Variants in PCDH15 observed in about 807,000 individuals in gnomAD.
PCDH15 encodes protocadherin related 15, also known as protocadherin-15.
PCDH15 carries 129 observed loss-of-function variants against 178.5 expected under a neutral mutation model. The ratio of observed to expected loss-of-function variants is 0.72; its 90% CI spans 0.63 to 0.84. The LOEUF (loss-of-function observed/expected upper bound fraction) is 0.84. Ranked by LOEUF, PCDH15 falls within the 40% of genes least tolerant of loss-of-function variation. The pLI, the probability that PCDH15 is intolerant of heterozygous loss-of-function variation, is 0.00. For synonymous variants in PCDH15, 800 were observed against 732.0 expected (o/e 1.09, Z -1.50); for missense variants, 2,230 against 2,099.9 (o/e 1.06, Z -1.21).
intron 2 of PCDH15, among the ~76,000 whole-genome samples, chr10:54,996,841 T>A (rs1839656906): frequency 6.6e-6 from 1 of 152,078 alleles, no homozygotes; most frequent in African/African-American, 2.4e-5. Context: ...CTGGGCGCGG[T>A]GGCTCACACC....
chr10:54,395,141 G>A lies in PCDH15; in HGVS notation c.158-16199C>T, dbSNP rs186185142. On this transcript the variant is annotated intron_variant, in intron 3 of 37. Transcript: ENST00000644397. ...GGATTAAGAGATTAAAGTAAAGACA[G>A]GCATAGGAAATCACAAGGGTATTCA... 6.4e-3 allele frequency among the ~76,000 whole-genome samples: 977 copies of A among 152,112 alleles called. 11 individuals are homozygous for A. The highest frequency in any genetic ancestry group is 0.023 in the African/African-American group (948 of 41,500).
intron 1 of PCDH15, among the ~76,000 whole-genome samples, chr10:55,290,505 T>C (rs1036297376): frequency 6.6e-6 from 1 of 152,138 alleles, no homozygotes; most frequent in African/African-American, 2.4e-5. Context: ...TTTGCTTTTA[T>C]TGGGTAATTT....
At chr10:54,376,186 C>A (rs945021879) in intron 4 of PCDH15, among the ~76,000 whole-genome samples, 1 of 151,862 alleles carries the variant, frequency 6.6e-6, no homozygotes, top group Non-Finnish European at 1.5e-5. Context: ...TGAGCCATCA[C>A]ACCCAGCCCA....
chr10:54,015,742 A>ACTCAATCAACTTC (rs2092720602), intron 20 of PCDH15, among the ~76,000 whole-genome samples: 1 of 152,170 alleles, frequency 6.6e-6, no homozygotes, highest in Non-Finnish European at 1.5e-5. Context: ...CCATGTACAA[A>ACTCAATCAACTTC]AATCAACTCA....
chr10:54,521,735 C>A (rs1349418628), intron 3 of PCDH15, among the ~76,000 whole-genome samples: 1 of 152,138 alleles, frequency 6.6e-6, no homozygotes, highest in Non-Finnish European at 1.5e-5. Context: ...AGTGATACCA[C>A]TGAGCCAAAT....
intron 2 of PCDH15, among the ~76,000 whole-genome samples, chr10:54,594,973 C>T (rs756544167): frequency 3.9e-5 from 6 of 152,136 alleles, no homozygotes; most frequent in South Asian, 2.1e-4. Flanking sequence ...CACAGTCCTG[C>T]GACCACTAGC....
chr10:55,372,436 T>TA (rs1845528707), intron 2 of PCDH15, among the ~76,000 whole-genome samples: 1 of 152,002 alleles, frequency 6.6e-6, no homozygotes, highest in Non-Finnish European at 1.5e-5. Flanking sequence ...TATAATCCCT[T>TA]AAAAATCAAA....
At chr10:54,789,521 A>T (rs1199543336) in intron 1 of PCDH15, among the ~76,000 whole-genome samples, 6 of 151,916 alleles carry the variant, frequency 3.9e-5, no homozygotes, top group Admixed American at 3.9e-4. Context: ...ATTAACATAT[A>T]CTTTGGTTCA....
rs1192231288 is a variant in PCDH15, at chr10:54,350,109, T to C, written c.475-3625A>G. Among the ~76,000 whole-genome samples, 20 of 152,220 alleles carry C rather than the reference T, an allele frequency of 1.3e-4. 1 individual carries two copies. Among genetic ancestry groups the C allele is most frequent in the Admixed American group, 1.3e-3 (20 of 15,284 alleles). The stretch of plus-strand genomic sequence containing the variant: ...AAAGGTTATGAATCATCCCTAAATA[T>C]AATTTTAAGGTCTTTTTTAGACAAA... On this transcript the variant is annotated intron_variant, in intron 5 of 37. Coordinates refer to ENST00000644397, the MANE Select transcript of PCDH15 (RefSeq NM_001384140.1).
chr10:55,239,179 T>C (rs1055195022), intron 1 of PCDH15, among the ~76,000 whole-genome samples: 1 of 152,188 alleles, frequency 6.6e-6, no homozygotes, highest in African/African-American at 2.4e-5. Flanking sequence ...ATCCATGTTG[T>C]TGCAAATGAC....
chr10:55,456,054 G>A (rs939091092), intron 2 of PCDH15, among the ~76,000 whole-genome samples: 7 of 152,088 alleles, frequency 4.6e-5, no homozygotes, highest in African/African-American at 7.2e-5. Context: ...TAAGGTGGGC[G>A]TGATAGGGCA....
chr10:55,424,048 CA>C, intron 2 of PCDH15, among the ~76,000 whole-genome samples: 1 of 151,952 alleles, frequency 6.6e-6, no homozygotes, highest in East Asian at 1.9e-4. Context: ...CTATTTTGTC[CA>C]GATCTATTTT....
chr10:55,118,918 C>T (rs372336382), intron 2 of PCDH15, among the ~76,000 whole-genome samples: 5 of 152,162 alleles, frequency 3.3e-5, no homozygotes, highest in African/African-American at 1.2e-4. Flanking sequence ...GACTATCAAC[C>T]TACTGTGGTA....
At position 55,520,301 on chromosome 10, in the gene PCDH15, A is replaced by G. The variant is rs1331082781; in HGVS notation, c.-156+107324T>C. On this transcript the variant is annotated intron_variant, in intron 2 of 5. Coordinates refer to the PCDH15 transcript ENST00000613346. ...GTATATATATATACACGCAATATGT[A>G]TATATATATATATACATGCAATGTG... is the stretch of plus-strand genomic sequence containing the variant. Among the ~76,000 whole-genome samples the G allele has an allele frequency of 1.3e-3, 63 of 47,050 alleles. 5 individuals carry two copies. Among genetic ancestry groups the G allele is most frequent in the African/African-American group, 3.7e-3 (51 of 13,868 alleles). 30.9% of individuals were successfully genotyped at this position (47,050 alleles called of 152,430 possible). A position where few individuals can be genotyped will look rare whatever the true frequency, so the allele number is the denominator to read the frequency against.
chr10:54,344,288 T>C (rs1190140640), intron 6 of PCDH15, among the ~76,000 whole-genome samples: 1 of 152,152 alleles, frequency 6.6e-6, no homozygotes, highest in Non-Finnish European at 1.5e-5. Flanking sequence ...ATTTTGAAAA[T>C]GCATGTGGTT....
intron 23 of PCDH15, among the ~76,000 whole-genome samples, chr10:53,942,350 C>T (rs1337100664): frequency 6.6e-6 from 1 of 151,916 alleles, no homozygotes; most frequent in Non-Finnish European, 1.5e-5. Context: ...TGCCTCTTTC[C>T]TTCTCTGTAC....
At chr10:53,975,714 A>C (rs532314099) in intron 21 of PCDH15, among the ~76,000 whole-genome samples, 1 of 151,320 alleles carries the variant, frequency 6.6e-6, no homozygotes, top group African/African-American at 2.5e-5. Flanking sequence ...CTCTTATTCT[A>C]TAGGTTGTCT....
At chr10:55,003,652 A>T (rs1012464813) in intron 2 of PCDH15, among the ~76,000 whole-genome samples, 1 of 152,186 alleles carries the variant, frequency 6.6e-6, no homozygotes, top group Non-Finnish European at 1.5e-5. Context: ...TTTATGTTAT[A>T]ATAGGACACA....
intron 2 of PCDH15, among the ~76,000 whole-genome samples, chr10:55,109,361 A>G (rs1837440139): frequency 1.3e-5 from 2 of 152,222 alleles, no homozygotes; most frequent in Non-Finnish European, 2.9e-5. Flanking sequence ...ACTTTATCCA[A>G]TAAAACTTAT....
Sources: gnomAD v4.1 joint callset for allele counts (sites outside exome capture counted in the v4.1 genomes callset) on GRCh38, gnomAD v4.1.1 for gene constraint, MANE v1.5 for transcripts, NCBI Gene and HGNC (gene_info 2026-07-23, HGNC 2026-07-21) for gene names.